SLC4A2: variants seen among roughly 807,000 people sequenced by gnomAD.
SLC4A2 encodes solute carrier family 4 member 2.
Under a neutral mutation model 115.0 loss-of-function variants are expected in SLC4A2, and 36 were observed. That is an observed-to-expected ratio of 0.31 (90% CI 0.24 to 0.41). SLC4A2 has a LOEUF of 0.41. Among genes scored for constraint, SLC4A2 ranks in the 10% least tolerant of loss-of-function variants. The pLI is 1.00. For synonymous variants in SLC4A2, 708 were observed against 708.3 expected, an observed-to-expected ratio of 1.00 and a Z score of 0.01; for missense variants, 1,252 against 1,705.6, an observed-to-expected ratio of 0.73 and a Z score of 4.68.
Position 151,071,806 on chromosome 7 carries a change from C to A in SLC4A2, c.2309C>A (p.Pro770His). The A allele has an allele frequency of 6.2e-7, 1 of 1,608,884 alleles. No homozygotes were observed. Among genetic ancestry groups the A allele is most frequent in the Non-Finnish European group, 8.5e-7 (1 of 1,178,708 alleles). The change falls in exon 15 of 23, where the codon CCC becomes CAC. Residue 770 changes from proline (P) to histidine (H), a missense_variant. Pro to His is a moderately conservative substitution (Grantham distance 77). Coordinates refer to ENST00000413384, the MANE Select transcript of SLC4A2 (RefSeq NM_003040.4). This position sits in a 1 kb window ranked among gnomAD's most constrained non-coding sequence, Gnocchi z 5.5. The part of the protein sequence containing the change: ...QPLLVIGFSG[P>H]LLVFEEAFFS... ...CTGTTGGTGATCGGCTTCTCAGGGC[C>A]CCTGCTGGTCTTTGAGGAGGCCTTC...
In SLC4A2 at chr7:151,062,028, C is replaced by T; in HGVS notation, c.41C>T (p.Ser14Phe). The T allele has an allele frequency of 6.2e-7, 1 of 1,610,974 alleles. No individual in the cohort carries two copies. The highest frequency in any genetic ancestry group is 1.3e-5 in the African/African-American group (1 of 75,060). ...CGGCGCCCCGCCAAGGGCGCAGATTCTTTCTGTACGGTGAGTGTGGCCCCC... is the reference window on the plus strand; with the variant it reads ...CGGCGCCCCGCCAAGGGCGCAGATTTTTTCTGTACGGTGAGTGTGGCCCCC... Reference protein sequence around the residue: ...APRRPAKGADSFCTPEPESLG... With the variant: ...APRRPAKGADFFCTPEPESLG... Residue 14 changes from serine (S) to phenylalanine (F), a missense_variant, in exon 2 of 23, where the codon TCT becomes TTT. Physicochemically the swap from Ser to Phe is radical, Grantham distance 155. Coordinates refer to ENST00000413384, the MANE Select transcript of SLC4A2 (RefSeq NM_003040.4).
intron 6 of SLC4A2, 22 bp downstream of exon 6, chr7:151,066,783 A>G: frequency 6.3e-7 from 1 of 1,582,198 alleles, no homozygotes; most frequent in Non-Finnish European, 8.6e-7. Context: ...GCCTTGGCCA[A>G]GCCCGGCACT....
Position 151,071,169 on chromosome 7 carries a change from A to G in SLC4A2, c.1847A>G (p.Glu616Gly). Residue 616 changes from glutamate (E) to glycine (G), a missense_variant, in exon 13 of 23, where the codon GAA becomes GGA. By Grantham distance (98) the Glu-to-Gly change is moderately conservative. Around this residue, in one of 14 missense-constraint regions of SLC4A2, gnomAD observed 87 missense variants for 170.3 expected, o/e 0.51. Transcript: ENST00000413384. This position sits in a 1 kb window ranked among gnomAD's most constrained non-coding sequence, Gnocchi z 5.5. ...TGCAGCGTGGTGCTGCCGCCTTCAGAAGTGCAGGGCGAGGAGCTGCTGCGC... is the reference window on the plus strand; with the variant it reads ...TGCAGCGTGGTGCTGCCGCCTTCAGGAGTGCAGGGCGAGGAGCTGCTGCGC... Reference protein sequence around the residue: ...LDCSVVLPPSEVQGEELLRSV... With the variant: ...LDCSVVLPPSGVQGEELLRSV... 6.2e-7 allele frequency: 1 copy of G among 1,612,382 alleles called. No individual in the cohort carries two copies. Among genetic ancestry groups the G allele is most frequent in the Non-Finnish European group, 8.5e-7 (1 of 1,179,684 alleles).
At position 151,067,013 on chromosome 7, in the gene SLC4A2, G is replaced by A. The variant is rs975514531; in HGVS notation, c.966+20G>A. 1 of 1,564,450 alleles carries A rather than the reference G, an allele frequency of 6.4e-7. No homozygotes were observed. The highest frequency in any genetic ancestry group is 8.6e-7 in the Non-Finnish European group (1 of 1,156,752). Reference sequence around the variant, plus strand: ...CATGAGGTACCATGCTCTGCTTCATGCTCTTCCATCAACTTCCCACACGAC... The same window carrying A: ...CATGAGGTACCATGCTCTGCTTCATACTCTTCCATCAACTTCCCACACGAC... On this transcript the variant is annotated intron_variant, in intron 7 of 22. Transcript: ENST00000413384.
In SLC4A2 at chr7:151,074,765, G is replaced by C. The variant is rs926060195; in HGVS notation, c.2971G>C (p.Val991Leu). 1.2e-6 allele frequency: 2 copies of C among 1,613,666 alleles called. No homozygotes were observed. Among genetic ancestry groups the C allele is most frequent in the Middle Eastern group, 1.7e-4 (1 of 6,056 alleles). The stretch of plus-strand genomic sequence containing the variant: ...CCTGGGAGAGAAGAGCCCCTTCCCT[G>C]TGTGGATGATGGTTGCCAGCCTGCT... ...NPLGEKSPFPVWMMVASLLPA... is the reference protein window; with the variant it reads ...NPLGEKSPFPLWMMVASLLPA... The change falls in exon 19 of 23, where the codon GTG becomes CTG. Residue 991 changes from valine to leucine, a missense_variant. Transcript: ENST00000413384.
rs1478807581 is a variant in SLC4A2, at chr7:151,075,717, G to A, written c.3413G>A (p.Arg1138Gln). 3 of 1,611,216 alleles carry A rather than the reference G, an allele frequency of 1.9e-6. No individual in the cohort carries two copies. Among genetic ancestry groups the A allele is most frequent in the African/African-American group, 1.3e-5 (1 of 74,838 alleles). ...CTTAACGGGATCCAGTTCTATGAGC[G>A]GCTGCATCTGCTGCTCATGCCGCCC... ...TSLNGIQFYE[R>Q]LHLLLMPPKH... is the part of the protein sequence containing the mutation. The change falls in exon 21 of 23, where the codon CGG becomes CAG. Residue 1138 changes from arginine (R) to glutamine (Q), a missense_variant. Arg to Gln is a conservative substitution (Grantham distance 43, BLOSUM62 1). Around this residue, in one of 14 missense-constraint regions of SLC4A2, gnomAD observed 253 missense variants for 407.4 expected, o/e 0.62. Coordinates refer to ENST00000413384, the MANE Select transcript of SLC4A2 (RefSeq NM_003040.4).
rs777403567 is a variant in SLC4A2 at position 151,064,837 on chromosome 7, C to T, written c.460-11C>T. The T allele has an allele frequency of 3.7e-6, 6 of 1,613,660 alleles. 1 individual carries two copies. The East Asian group carries it at 1.3e-4, about 36-fold the overall frequency. ...CCTGGTCACTCCTGCCCATGTGGGTCCCTGTTACAGTTCTTTCTCCAAGAG... is the reference window on the plus strand; with the variant it reads ...CCTGGTCACTCCTGCCCATGTGGGTTCCTGTTACAGTTCTTTCTCCAAGAG... On this transcript the variant is annotated splice_polypyrimidine_tract_variant and intron_variant, in intron 4 of 22. Transcript: ENST00000413384.
upstream of SLC4A2, chr7:151,059,020 A>G (rs1444136766): frequency 1.3e-5 from 2 of 152,258 alleles, no homozygotes; most frequent in Non-Finnish European, 2.9e-5. The surrounding 1 kb of genome is among the most constrained non-coding windows in gnomAD (Gnocchi z 5.8). Context: ...TTCGTTGGGC[A>G]AAAAAGAACT....
In SLC4A2 at chr7:151,070,590, A is replaced by T. The variant is rs747386695; in HGVS notation, c.1564+19A>T. The T allele has an allele frequency of 6.8e-6, 11 of 1,608,716 alleles. No individual in the cohort carries two copies. In the South Asian group the frequency reaches 1.2e-4, roughly 18 times the overall value. The stretch of plus-strand genomic sequence containing the variant: ...CTTGTGGGTATGTGGGGCAGGTCAC[A>T]TGTAGGGGGCTTGGTGGCCAGGCCT... On this transcript the variant is annotated intron_variant, in intron 11 of 22. Transcript: ENST00000413384.
chr7:151,075,801 A>C lies in SLC4A2; in HGVS notation c.3471+26A>C. On this transcript the variant is annotated intron_variant, in intron 21 of 22. Transcript: ENST00000413384. ...GTGAGCCCCCCAGCTCCCCACCGGA[A>C]GGGGTGTGCCTCTGGCCATCCTGGT... 1.9e-6 allele frequency: 3 copies of C among 1,591,828 alleles called. No individual in the cohort carries two copies. In the African/African-American group the frequency reaches 4.0e-5, roughly 21 times the overall value.
chr7:151,067,184 G>GT, intron 7 of SLC4A2, among the ~76,000 whole-genome samples, 191 bp downstream of exon 7: 1 of 152,344 alleles, frequency 6.6e-6, no homozygotes, highest in African/African-American at 2.4e-5. Context: ...TGCCTCCTGG[G>GT]TTTAAGCGAT....
Position 151,059,983 on chromosome 7 carries a change from C to T in SLC4A2, c.-64+221C>T, listed in dbSNP as rs1796994415. 6.6e-6 allele frequency: 1 copy of T among 152,034 alleles called. No homozygotes were observed. The highest frequency in any genetic ancestry group is 2.1e-4 in the South Asian group (1 of 4,824). 9.4% of individuals were successfully genotyped at this position (152,034 alleles called of 1,614,324 possible). A position where few individuals can be genotyped will look rare whatever the true frequency, so the allele number is the denominator to read the frequency against. Reference sequence around the variant, plus strand: ...TCCGGGGTCCCCTTCTCAGAGTTCCCTAAAGCCAGGGTGCCGCGCCCCCTG... The same window carrying T: ...TCCGGGGTCCCCTTCTCAGAGTTCCTTAAAGCCAGGGTGCCGCGCCCCCTG... On this transcript the variant is annotated intron_variant, in intron 1 of 22. Coordinates refer to ENST00000413384, the MANE Select transcript of SLC4A2 (RefSeq NM_003040.4). This position sits in a 1 kb window ranked among gnomAD's most constrained non-coding sequence, Gnocchi z 5.8.
intron 19 of SLC4A2, 21 bp downstream of exon 19, chr7:151,074,862 G>A (rs1273280891): frequency 7.0e-6 from 11 of 1,573,050 alleles, no homozygotes; most frequent in East Asian, 2.3e-5. Context: ...CTAGCCAAAG[G>A]GGTGTGAGAG....
intron 2 of SLC4A2, chr7:151,062,459 C>CA: frequency 8.2e-7 from 1 of 1,225,684 alleles, no homozygotes; most frequent in Non-Finnish European, 1.1e-6. Context: ...CCGCCCCTCC[C>CA]TGCCCCCACG....
chr7:151,063,054 C>T (rs1371595012), intron 2 of SLC4A2: 7 of 1,483,178 alleles, frequency 4.7e-6, no homozygotes, highest in Non-Finnish European at 4.5e-6. Flanking sequence ...GAGCTGAGAC[C>T]GTGGGTGGGT....
chr7:151,067,602 G>A (rs1347495907), intron 7 of SLC4A2, among the ~76,000 whole-genome samples: 3 of 152,358 alleles, frequency 2.0e-5, no homozygotes, highest in South Asian at 2.1e-4. Context: ...TCTGAGGCAC[G>A]TAGCGTGCCA....
In SLC4A2 at chr7:151,062,687, C is replaced by T. The variant is rs941315953; in HGVS notation, c.51+649C>T. The T allele has an allele frequency of 2.7e-5, 41 of 1,493,734 alleles. No individual in the cohort carries two copies. In the Admixed American group the frequency reaches 9.0e-4, roughly 33 times the overall value. 92.5% of individuals were successfully genotyped at this position (1,493,734 alleles called of 1,614,324 possible). A position where few individuals can be genotyped will look rare whatever the true frequency, so the allele number is the denominator to read the frequency against. Reference sequence around the variant, plus strand: ...AGGTGCGAGGGGTCTGCGACCCTCTCTCCCCATGGCGGCAAGCTCCCTGCG... The same window carrying T: ...AGGTGCGAGGGGTCTGCGACCCTCTTTCCCCATGGCGGCAAGCTCCCTGCG... On this transcript the variant is annotated intron_variant, in intron 2 of 22. Transcript: ENST00000413384.
At position 151,060,479 on chromosome 7, in the gene SLC4A2, G is replaced by A. The variant is rs1413942134; in HGVS notation, c.-64+717G>A. 2.6e-5 allele frequency among the ~76,000 whole-genome samples: 4 copies of A among 152,218 alleles called. No individual in the cohort carries two copies. The highest frequency in any genetic ancestry group is 4.4e-5 in the Non-Finnish European group (3 of 68,042). ...CCGAGGTGCTAATCCCTTGGTCAAG[G>A]GGAGAGATACTAATCCTCTGGGCCG... On this transcript the variant is annotated intron_variant, in intron 1 of 22. Transcript: ENST00000413384. The surrounding 1 kb of genome is among the most constrained non-coding windows in gnomAD (Gnocchi z 5.9).
In SLC4A2 at chr7:151,074,059, G is replaced by A. The variant is rs376467661; in HGVS notation, c.2556G>A (p.Leu852=). The change falls in exon 17 of 23, where the codon CTG becomes CTA. Residue 852 remains leucine (L), a synonymous_variant. Transcript: ENST00000413384. ...CCCAGATCTTCCAGGAGCACCCCCT[G>A]CATGGCTGCTCAGCCTCCAACAGCT... ...KLVKIFQEHP[L]HGCSASNSSE... 5.0e-5 allele frequency: 80 copies of A among 1,591,874 alleles called. No homozygotes were observed. Among genetic ancestry groups the A allele is most frequent in the Non-Finnish European group, 6.4e-5 (74 of 1,164,864 alleles).
Sources: allele counts gnomAD v4.1 joint callset (sites outside exome capture counted in the v4.1 genomes callset), GRCh38; gene constraint gnomAD v4.1.1; regional missense constraint gnomAD v4.1.1; non-coding constraint Gnocchi (gnomAD v3.1); transcripts MANE v1.5; gene names NCBI Gene and HGNC (gene_info 2026-07-23, HGNC 2026-07-21).